Variants in SYCP2 observed in about 807,000 individuals in gnomAD.
The protein encoded by SYCP2 is synaptonemal complex protein 2.
In SYCP2, 55 loss-of-function variants were observed where a neutral mutation model predicts 211.3. The observed-to-expected ratio is 0.26, with a 90% CI of 0.21 to 0.33. SYCP2 has a LOEUF of 0.33. Ranked by LOEUF, SYCP2 falls within the 10% of genes least tolerant of loss-of-function variation. The pLI is 1.00. For synonymous variants in SYCP2, 570 were observed against 555.2 expected (o/e 1.03, Z -0.37); for missense variants, 1,731 against 1,752.0 (o/e 0.99, Z 0.21).
At chr20:59,890,892 G>T (rs545103812) in intron 24 of SYCP2, among the ~76,000 whole-genome samples, 16 of 151,896 alleles carry the variant, frequency 1.1e-4, no homozygotes, top group African/African-American at 3.6e-4. Flanking sequence ...GGGACTGAGG[G>T]AAGTAAATAG....
At chr20:59,900,488 C>T (rs2060094897) in intron 17 of SYCP2, among the ~76,000 whole-genome samples, 1 of 152,046 alleles carries the variant, frequency 6.6e-6, no homozygotes, top group East Asian at 1.9e-4. Context: ...AGAAGCTTGA[C>T]ATTAATGGAA....
At chr20:59,880,076 C>T (rs2145666759) in intron 31 of SYCP2, among the ~76,000 whole-genome samples, 1 of 150,372 alleles carries the variant, frequency 6.7e-6, no homozygotes, top group South Asian at 2.1e-4. Flanking sequence ...AATCATGAGC[C>T]AAGGATAATG....
intron 33 of SYCP2, among the ~76,000 whole-genome samples, chr20:59,876,333 T>C (rs747159695): frequency 5.6e-4 from 63 of 113,310 alleles, no homozygotes; most frequent in Non-Finnish European, 8.7e-4. Context: ...ATGACACCAC[T>C]GCACTCCAGC....
intron 16 of SYCP2, among the ~76,000 whole-genome samples, chr20:59,901,201 C>G (rs1276846250): frequency 6.6e-6 from 1 of 151,976 alleles, no homozygotes; most frequent in African/African-American, 2.4e-5. Flanking sequence ...AGTATTTTAT[C>G]TAAATGCTTT....
In SYCP2 at chr20:59,866,598, T is replaced by TG; in HGVS notation, c.4126-10_4126-9insC. The TG allele has an allele frequency of 6.4e-7, 1 of 1,558,144 alleles. No homozygotes were observed. Among genetic ancestry groups the TG allele is most frequent in the Non-Finnish European group, 8.7e-7 (1 of 1,149,388 alleles). On this transcript the variant is annotated splice_polypyrimidine_tract_variant and intron_variant, in intron 39 of 44. Transcript: ENST00000357552. Reference sequence around the variant, plus strand: ...AACATTTTATGTCGGATCTGAAAAATACTCATTTTTAAGTTAAAATATCTT... The same window carrying TG: ...AACATTTTATGTCGGATCTGAAAAATGACTCATTTTTAAGTTAAAATATCTT...
At chr20:59,897,908 C>T (rs1009902889) in intron 18 of SYCP2, among the ~76,000 whole-genome samples, 1 of 151,974 alleles carries the variant, frequency 6.6e-6, no homozygotes, top group African/African-American at 2.4e-5. Context: ...ACAAGGAAAC[C>T]CTGTCTCTAC....
chr20:59,892,177 G>A lies in SYCP2; in HGVS notation c.2177C>T (p.Ser726Leu), dbSNP rs376223827. The A allele has an allele frequency of 2.5e-6, 4 of 1,612,316 alleles. No individual in the cohort carries two copies. The highest frequency in any genetic ancestry group is 2.2e-5 in the East Asian group (1 of 44,816). The change falls in exon 24 of 45, where the codon TCG (serine) becomes TTG (leucine). Residue 726 changes from serine to leucine, a missense_variant. Transcript: ENST00000357552. Reference sequence around the variant, plus strand: ...TTCAATTGTCTTATTTAGGAGAACCGATTTAAAAGTAGTTTCAGATTCAAC... The same window carrying A: ...TTCAATTGTCTTATTTAGGAGAACCAATTTAAAAGTAGTTTCAGATTCAAC... ...WPVESETTFK[S>L]VLLNKTIEES...
intron 7 of SYCP2, among the ~76,000 whole-genome samples, chr20:59,917,451 G>A (rs900630005): frequency 1.4e-4 from 22 of 152,078 alleles, no homozygotes; most frequent in Non-Finnish European, 2.8e-4. Flanking sequence ...CAAAGTGACT[G>A]CATAAAAAGA....
intron 18 of SYCP2, among the ~76,000 whole-genome samples, chr20:59,897,673 AAAAC>A (rs1341414474): frequency 6.6e-6 from 1 of 152,206 alleles, no homozygotes. Flanking sequence ...AAAAGACTAA[AAAAC>A]AAAATAGTAA....
rs2060336831 is a variant in SYCP2, at chr20:59,911,899, A to G, written c.877-54T>C. 4 of 895,952 alleles carry G rather than the reference A, an allele frequency of 4.5e-6. No homozygotes were observed. In the South Asian group the frequency reaches 8.2e-5, roughly 18 times the overall value. 55.5% of individuals were successfully genotyped at this position (895,952 alleles called of 1,614,324 possible). A position where few individuals can be genotyped will look rare whatever the true frequency, so the allele number is the denominator to read the frequency against. The stretch of plus-strand genomic sequence containing the variant: ...TATACAATGATTTTAGAAATAACAG[A>G]CAATTATGATGTTATATTCATGGCT... On this transcript the variant is annotated intron_variant, in intron 13 of 44. Coordinates refer to ENST00000357552, the MANE Select transcript of SYCP2 (RefSeq NM_014258.4).
At chr20:59,909,477 G>GT (rs1244688658) in intron 14 of SYCP2, among the ~76,000 whole-genome samples, 2 of 152,090 alleles carry the variant, frequency 1.3e-5, no homozygotes, top group Admixed American at 6.6e-5. Flanking sequence ...TGCCTCTAGT[G>GT]TTTTTTCTTT....
intron 24 of SYCP2, among the ~76,000 whole-genome samples, chr20:59,887,547 G>C (rs2059816393): frequency 6.6e-6 from 1 of 152,056 alleles, no homozygotes. Context: ...GGTATTTCTA[G>C]TTCTAGATCC....
rs553514257 is a variant in SYCP2, at chr20:59,882,329, G to A, written c.2530-164C>T. ...GGCAATAACAGATGCTAGTGAGGAT[G>A]TGGGCCTCATACACTGTTGGTGGAA... is the stretch of plus-strand genomic sequence containing the variant. On this transcript the variant is annotated intron_variant, in intron 26 of 44. Transcript: ENST00000357552. 3.3e-5 allele frequency among the ~76,000 whole-genome samples: 5 copies of A among 152,276 alleles called. No homozygotes were observed. In the South Asian group the frequency reaches 1.0e-3, roughly 32 times the overall value.
intron 2 of SYCP2, among the ~76,000 whole-genome samples, chr20:59,928,356 T>C (rs1277925669): frequency 3.9e-5 from 6 of 152,168 alleles, no homozygotes; most frequent in African/African-American, 9.6e-5. Context: ...TATTCATTAA[T>C]GGAAGGACTT....
chr20:59,886,477 T>A (rs536716027), intron 25 of SYCP2, among the ~76,000 whole-genome samples: 1 of 152,134 alleles, frequency 6.6e-6, no homozygotes, highest in Non-Finnish European at 1.5e-5. Flanking sequence ...ATTGATGTGT[T>A]TTTTGATCCT....
chr20:59,872,448 C>G (rs2059470750), intron 35 of SYCP2, among the ~76,000 whole-genome samples: 1 of 151,762 alleles, frequency 6.6e-6, no homozygotes, highest in African/African-American at 2.4e-5. Flanking sequence ...AAATAATGCC[C>G]CTCAAAAGCA....
chr20:59,879,224 T>C (rs1018306550), intron 31 of SYCP2, among the ~76,000 whole-genome samples: 4 of 152,042 alleles, frequency 2.6e-5, no homozygotes, highest in Non-Finnish European at 4.4e-5. Flanking sequence ...CATTTTCCCA[T>C]AAATATGATC....
intron 24 of SYCP2, among the ~76,000 whole-genome samples, chr20:59,890,892 G>A (rs545103812): frequency 6.6e-6 from 1 of 151,778 alleles, no homozygotes; most frequent in African/African-American, 2.4e-5. Flanking sequence ...GGGACTGAGG[G>A]AAGTAAATAG....
chr20:59,930,496 C>T (rs1054015322), intron 2 of SYCP2, among the ~76,000 whole-genome samples: 6 of 152,192 alleles, frequency 3.9e-5, no homozygotes, highest in African/African-American at 1.4e-4. Flanking sequence ...GCCAAATGCC[C>T]ATCTTCTTCC....
Sources: allele counts gnomAD v4.1 joint callset (sites outside exome capture counted in the v4.1 genomes callset), GRCh38; gene constraint gnomAD v4.1.1; transcripts MANE v1.5; gene names NCBI Gene and HGNC (gene_info 2026-07-23, HGNC 2026-07-21).